The following HS6ST3 variants were observed in gnomAD, a reference collection of about 807,000 sequenced individuals.
HS6ST3 encodes heparan sulfate 6-O-sulfotransferase 3, also known as heparan-sulfate 6-O-sulfotransferase 3.
A neutral mutation model predicts 36.7 loss-of-function variants in HS6ST3; 12 were observed. The ratio of observed to expected loss-of-function variants is 0.33; its 90% CI spans 0.21 to 0.53. The LOEUF is 0.53. HS6ST3 is among the 20% of genes least tolerant of loss of function. The probability of loss-of-function intolerance (pLI) is 0.95; values close to 1 mark genes in which losing one functional copy is unlikely to be tolerated. For synonymous variants in HS6ST3, 240 were observed against 257.5 expected (o/e 0.93, Z 0.65); for missense variants, 584 against 640.9 (o/e 0.91, Z 0.96).
chr13:96,345,969 A>C (rs1016357643), intron 1 of HS6ST3, among the ~76,000 whole-genome samples: 2 of 152,218 alleles, frequency 1.3e-5, no homozygotes, highest in Non-Finnish European at 2.9e-5. Flanking sequence ...AGCTTGCATT[A>C]GATTCTCATA....
chr13:96,680,284 A>C (rs908375263), intron 1 of HS6ST3, among the ~76,000 whole-genome samples: 3 of 152,094 alleles, frequency 2.0e-5, no homozygotes, highest in African/African-American at 7.2e-5. Context: ...CCTGGTCAGC[A>C]ATCCCTCCAC....
intron 1 of HS6ST3, among the ~76,000 whole-genome samples, chr13:96,566,263 G>C (rs866271084): frequency 1.3e-5 from 2 of 151,842 alleles, no homozygotes; most frequent in Middle Eastern, 3.4e-3. Flanking sequence ...AGAATAGAGA[G>C]ACTGAAAGAT....
At chr13:96,481,398 C>T (rs901766378) in intron 1 of HS6ST3, among the ~76,000 whole-genome samples, 9 of 152,166 alleles carry the variant, frequency 5.9e-5, no homozygotes, top group African/African-American at 1.9e-4. Flanking sequence ...TAGTGGGGAT[C>T]TGGGGTCCAT....
In HS6ST3 at chr13:96,737,889, G is replaced by C. The variant is rs867091656; in HGVS notation, c.708-94601G>C. Among the ~76,000 whole-genome samples, 84 of 152,122 alleles carry C rather than the reference G, an allele frequency of 5.5e-4. No individual in the cohort carries two copies. In the Middle Eastern group the frequency reaches 0.017, roughly 31 times the overall value. The stretch of plus-strand genomic sequence containing the variant: ...CCAGCAGTCACATTGTTCTGACCTG[G>C]CTTTCTGACATTCTTCTCTTTTCAT... On this transcript the variant is annotated intron_variant, in intron 1 of 1. Transcript: ENST00000376705.
intron 1 of HS6ST3, among the ~76,000 whole-genome samples, chr13:96,555,258 T>C (rs925429606): frequency 1.3e-5 from 2 of 152,162 alleles, no homozygotes; most frequent in African/African-American, 4.8e-5. Context: ...GATTTAGGTA[T>C]TTCACAATGT....
chr13:96,152,489 C>T (rs528867082), intron 1 of HS6ST3, among the ~76,000 whole-genome samples: 1 of 152,074 alleles, frequency 6.6e-6, no homozygotes, highest in Non-Finnish European at 1.5e-5. Context: ...AGGCGCCCGC[C>T]ACCACGCCCG....
chr13:96,175,722 C>A (rs2054209866), intron 1 of HS6ST3, among the ~76,000 whole-genome samples: 1 of 151,308 alleles, frequency 6.6e-6, no homozygotes. Flanking sequence ...ATCTAATTTC[C>A]CCTCTTGTTC....
At chr13:96,688,767 C>T (rs1874856931) in intron 1 of HS6ST3, among the ~76,000 whole-genome samples, 1 of 151,978 alleles carries the variant, frequency 6.6e-6, no homozygotes, top group Admixed American at 6.6e-5. Flanking sequence ...CAAAGGACCC[C>T]ACTTGATATC....
intron 1 of HS6ST3, among the ~76,000 whole-genome samples, chr13:96,333,014 A>G (rs2055080094): frequency 6.6e-6 from 1 of 152,244 alleles, no homozygotes; most frequent in African/African-American, 2.4e-5. Flanking sequence ...CTTAGACACC[A>G]AATTTACTGG....
intron 1 of HS6ST3, among the ~76,000 whole-genome samples, chr13:96,262,854 A>C (rs1393296899): frequency 1.3e-5 from 2 of 151,974 alleles, no homozygotes; most frequent in African/African-American, 4.8e-5. Context: ...GACTTCCCTG[A>C]ATTTATTTAT....
At chr13:96,497,006 G>A (rs78825537) in intron 1 of HS6ST3, among the ~76,000 whole-genome samples, 2 of 152,096 alleles carry the variant, frequency 1.3e-5, no homozygotes, top group Non-Finnish European at 2.9e-5. Flanking sequence ...TTGTCTGGTG[G>A]GAATACCCAA....
chr13:96,525,083 A>G (rs1343192927), intron 1 of HS6ST3, among the ~76,000 whole-genome samples: 2 of 152,200 alleles, frequency 1.3e-5, no homozygotes, highest in African/African-American at 4.8e-5. Flanking sequence ...TATTGTAATT[A>G]TCATCTGAAT....
chr13:96,634,936 A>G (rs2056544234), intron 1 of HS6ST3, among the ~76,000 whole-genome samples: 2 of 139,502 alleles, frequency 1.4e-5, no homozygotes, highest in African/African-American at 5.3e-5. Flanking sequence ...TCAGACTCAC[A>G]TATCCCAAGG....
At position 96,091,227 on chromosome 13, in the gene HS6ST3, G is replaced by C. The variant is rs1445017268; in HGVS notation, c.365G>C (p.Arg122Pro). The part of the protein sequence containing the change: ...PEAPENGSLP[R>P]FVPRFNFSLK... Reference sequence around the variant, plus strand: ...GCCCCGGAAAACGGCTCCCTGCCCCGATTCGTGCCGCGCTTCAACTTCAGC... The same window carrying C: ...GCCCCGGAAAACGGCTCCCTGCCCCCATTCGTGCCGCGCTTCAACTTCAGC... Residue 122 changes from arginine to proline, a missense_variant, in exon 1 of 2, where the codon CGA (arginine) becomes CCA (proline). This residue lies in a region of HS6ST3 where 217 missense variants were observed against 205.4 expected (regional missense o/e 1.06). Transcript: ENST00000376705. 1 of 1,583,316 alleles carries C rather than the reference G, an allele frequency of 6.3e-7. No individual in the cohort carries two copies. The highest frequency in any genetic ancestry group is 1.4e-5 in the African/African-American group (1 of 73,872).
In HS6ST3 at chr13:96,699,481, C is replaced by T. The variant is rs541741420; in HGVS notation, c.708-133009C>T. 8.0e-4 allele frequency among the ~76,000 whole-genome samples: 122 copies of T among 152,226 alleles called. 1 individual carries two copies. Among genetic ancestry groups the T allele is most frequent in the Admixed American group, 6.5e-3 (99 of 15,290 alleles). ...CAAAAGAAGACATTTATGCAGCCAACGGACACATGAAAAAATGCTCATCAT... is the reference window on the plus strand; with the variant it reads ...CAAAAGAAGACATTTATGCAGCCAATGGACACATGAAAAAATGCTCATCAT... On this transcript the variant is annotated intron_variant, in intron 1 of 1. Coordinates refer to ENST00000376705, the MANE Select transcript of HS6ST3 (RefSeq NM_153456.4).
At chr13:96,818,363 A>G (rs1014042306) in intron 1 of HS6ST3, among the ~76,000 whole-genome samples, 1 of 152,192 alleles carries the variant, frequency 6.6e-6, no homozygotes, top group African/African-American at 2.4e-5. Context: ...ATTATCGTCA[A>G]TAAGTGGATT....
At chr13:96,366,962 C>G (rs749731020) in intron 1 of HS6ST3, among the ~76,000 whole-genome samples, 29 of 152,180 alleles carry the variant, frequency 1.9e-4, no homozygotes, top group Non-Finnish European at 4.0e-4. Flanking sequence ...GCCTTTGTCC[C>G]TCCTTCGCCT....
At chr13:96,193,681 G>A (rs970849124) in intron 1 of HS6ST3, among the ~76,000 whole-genome samples, 3 of 152,160 alleles carry the variant, frequency 2.0e-5, no homozygotes, top group Non-Finnish European at 4.4e-5. Context: ...GAAAGCGAGA[G>A]GTAGGCTGAA....
At chr13:96,120,422 C>T (rs780512889) in intron 1 of HS6ST3, among the ~76,000 whole-genome samples, 11 of 152,194 alleles carry the variant, frequency 7.2e-5, no homozygotes, top group Admixed American at 1.3e-4. Context: ...AAACTGCTTA[C>T]AATATATTAA....
Sources: allele counts gnomAD v4.1 joint callset (sites outside exome capture counted in the v4.1 genomes callset), GRCh38; gene constraint gnomAD v4.1.1; regional missense constraint gnomAD v4.1.1; transcripts MANE v1.5; gene names NCBI Gene and HGNC (gene_info 2026-07-23, HGNC 2026-07-21).